MUC4: variants seen among roughly 807,000 people sequenced by gnomAD.
MUC4 encodes the protein mucin-4.
In MUC4, 202 loss-of-function variants were observed where a neutral mutation model predicts 257.9. The ratio of observed to expected loss-of-function variants is 0.78; its 90% CI spans 0.70 to 0.88. The LOEUF (loss-of-function observed/expected upper bound fraction) is 0.88. MUC4 is among the 40% of genes least tolerant of loss of function. The pLI, the probability that MUC4 is intolerant of heterozygous loss-of-function variation, is 0.00. For missense variants in MUC4, 5,976 were observed against 6,513.7 expected, an observed-to-expected ratio of 0.92 and a Z score of 2.84; for synonymous variants, 2,351 against 2,757.1, an observed-to-expected ratio of 0.85 and a Z score of 4.62.
chr3:195,767,525 CCATCGCCACCACCAT>C (rs1402571697), intron 7 of MUC4, among the ~76,000 whole-genome samples: 6 of 68,736 alleles, frequency 8.7e-5, no homozygotes, highest in African/African-American at 1.5e-4. Context: ...ATCACCACCA[CCATCGCCACCACCAT>C]CATCACCATC....
chr3:195,782,782 C>G lies in MUC4; in HGVS notation c.8798G>C (p.Ser2933Thr). ...GTCACCTGTGGATACTGAGGAAAGG[C>G]TGGTGACAGGAAGAGGGGTGGCCTG... ...TGQATPLPVT[S>T]LSSVSTGDTT... The change falls in exon 2 of 25, where the codon AGC becomes ACC. Residue 2933 changes from serine (S) to threonine (T), a missense_variant. Transcript: ENST00000463781. 6.8e-7 allele frequency: 1 copy of G among 1,473,772 alleles called. No homozygotes were observed. The allele number at this position is 1,473,772 out of a possible 1,614,324, so 91.3% of individuals were successfully genotyped here.
chr3:195,770,748 C>T (rs1486727794), intron 5 of MUC4: 1 of 432,992 alleles, frequency 2.3e-6, no homozygotes, highest in Non-Finnish European at 4.6e-6. Context: ...TCCACACTGC[C>T]CTGTCCGTGG....
intron 4 of MUC4, among the ~76,000 whole-genome samples, chr3:195,772,293 A>G (rs1433170057): frequency 6.7e-6 from 1 of 149,364 alleles, no homozygotes; most frequent in African/African-American, 2.5e-5. Context: ...CCCCATCTCC[A>G]TCACTTAGGG....
intron 1 of MUC4, among the ~76,000 whole-genome samples, chr3:195,803,772 C>T (rs1489163494): frequency 6.6e-6 from 1 of 152,210 alleles, no homozygotes; most frequent in Non-Finnish European, 1.5e-5. Flanking sequence ...AGAGCCATTG[C>T]TCGGAAGCTG....
intron 4 of MUC4, among the ~76,000 whole-genome samples, chr3:195,772,771 A>G: frequency 7.3e-6 from 1 of 137,044 alleles, no homozygotes; most frequent in African/African-American, 2.7e-5. Flanking sequence ...CCCCCTCTCC[A>G]TCGCTCAGGG....
Position 195,780,237 on chromosome 3 carries a change from G to T in MUC4, c.11343C>A (p.Asp3781Glu), listed in dbSNP as rs1156472824. 1.1e-5 allele frequency: 16 copies of T among 1,521,792 alleles called. No individual in the cohort carries two copies. Among genetic ancestry groups the T allele is most frequent in the Non-Finnish European group, 1.3e-5 (15 of 1,127,066 alleles). 94.3% of individuals were successfully genotyped at this position (1,521,792 alleles called of 1,614,324 possible). ...TGTCACCTGTGGATGCTGAGGAAGC[G>T]TCGGTGACAGGAAGAGGCGTGGCGT... is the stretch of plus-strand genomic sequence containing the variant. ...TGHATPLPVT[D>E]ASSASTGDTT... is the part of the protein sequence containing the mutation. The change falls in exon 2 of 25, where the codon GAC becomes GAA. Residue 3781 changes from aspartate to glutamate, a missense_variant. This residue lies in a region of MUC4 where 330 missense variants were observed against 262.0 expected (regional missense o/e 1.26). Transcript: ENST00000463781.
chr3:195,767,698 AAAAATACCACCATCGGCCACCACCACCAT>A (rs1721418834), intron 7 of MUC4, among the ~76,000 whole-genome samples: 3 of 39,914 alleles, frequency 7.5e-5, no homozygotes, highest in Non-Finnish European at 8.8e-5. Flanking sequence ...CCACCCCCCA[AAAAATACCACCATCGGCCACCACCACCAT>A]CACCACCACC....
intron 7 of MUC4, 151 bp from the exon 8 acceptor site, chr3:195,766,902 A>G: frequency 1.5e-6 from 1 of 681,992 alleles, no homozygotes; most frequent in East Asian, 2.7e-5. Flanking sequence ...CCCATCGTCA[A>G]GCCCCAGCAC....
rs1038498049 is a variant in MUC4 at position 195,789,036 on chromosome 3, C to T, written c.2544G>A (p.Leu848=). The part of the protein sequence containing the change: ...SHTTQSTTEL[L]SASASHGAIP... ...TGGCACCATGACTGGCTGAGGCGGA[C>T]AGCAATTCGGTTGTTGACTGGGTTG... The change falls in exon 2 of 25, where the codon CTG becomes CTA. Residue 848 remains leucine, a synonymous_variant. Coordinates refer to ENST00000463781, the MANE Select transcript of MUC4 (RefSeq NM_018406.7). The T allele has an allele frequency of 6.2e-7, 1 of 1,613,822 alleles. No individual in the cohort carries two copies. The highest frequency in any genetic ancestry group is 8.5e-7 in the Non-Finnish European group (1 of 1,179,848).
chr3:195,772,410 T>C (rs57499370), intron 4 of MUC4, among the ~76,000 whole-genome samples: 4,899 of 52,310 alleles, frequency 0.094, 383 homozygotes, highest in African/African-American at 0.2. Context: ...CACCCTCCCT[T>C]CATCGCTCAG....
At position 195,783,083 on chromosome 3, in the gene MUC4, G is replaced by C. The variant is rs1013079528; in HGVS notation, c.8497C>G (p.Leu2833Val). Residue 2833 changes from leucine to valine, a missense_variant, in exon 2 of 25, where the codon CTT (leucine) becomes GTT (valine). Physicochemically the swap from Leu to Val is conservative, Grantham distance 32. Around this residue, in one of 44 missense-constraint regions of MUC4, gnomAD observed 228 missense variants for 206.3 expected, o/e 1.11. Transcript: ENST00000463781. Reference protein sequence around the residue: ...SSVFTGHATSLPVTIPSSASS... With the variant: ...SSVFTGHATSVPVTIPSSASS... ...GCTGAGGAAGGGATGGTGACAGGAA[G>C]AGAGGTGGCATGACCTGTGAACACT... 4.1e-4 allele frequency: 250 copies of C among 615,626 alleles called. 27 individuals carry two copies. Among genetic ancestry groups the C allele is most frequent in the Middle Eastern group, 1.2e-3 (2 of 1,684 alleles). The allele number at this position is 615,626 out of a possible 1,614,324, so 38.1% of individuals were successfully genotyped here.
chr3:195,785,992 G>C lies in MUC4; in HGVS notation c.5588C>G (p.Ser1863Cys). ...GGTGGCGTGACCTGTGGACACTGAG[G>C]AAGCGTCGGTGACAGGAAGAGAGGT... Reference protein sequence around the residue: ...HTTSLPVTDASSVSTGHATSL... With the variant: ...HTTSLPVTDACSVSTGHATSL... The change falls in exon 2 of 25, where the codon TCC becomes TGC. Residue 1863 changes from serine (S) to cysteine (C), a missense_variant. This residue lies in a region of MUC4 where 31 missense variants were observed against 71.1 expected (regional missense o/e 0.44). Transcript: ENST00000463781. 1 of 1,520,358 alleles carries C rather than the reference G, an allele frequency of 6.6e-7. No homozygotes were observed. Among genetic ancestry groups the C allele is most frequent in the Non-Finnish European group, 8.9e-7 (1 of 1,129,930 alleles). 94.2% of individuals were successfully genotyped at this position (1,520,358 alleles called of 1,614,324 possible).
Position 195,788,353 on chromosome 3 carries a change from G to T in MUC4, c.3227C>A (p.Thr1076Asn), listed in dbSNP as rs1733154186. The T allele has an allele frequency of 6.5e-7, 1 of 1,544,144 alleles. No individual in the cohort carries two copies. The highest frequency in any genetic ancestry group is 1.4e-5 in the African/African-American group (1 of 69,538). ...STGHVTPLPV[T>N]SLSSASTGDT... ...ACCTGTGGATGCTGAGGAAAGGCTG[G>T]TGACAGGAAGAGGGGTGACGTGACC... The change falls in exon 2 of 25, where the codon ACC becomes AAC. Residue 1076 changes from threonine (T) to asparagine (N), a missense_variant. Thr to Asn is a moderately conservative substitution (Grantham distance 65, BLOSUM62 0). Around this residue, in one of 44 missense-constraint regions of MUC4, gnomAD observed 68 missense variants for 90.4 expected, o/e 0.75. Coordinates refer to ENST00000463781, the MANE Select transcript of MUC4 (RefSeq NM_018406.7).
rs2149037432 is a variant in MUC4, at chr3:195,789,307, G to A, written c.2273C>T (p.Ala758Val). The change falls in exon 2 of 25, where the codon GCC becomes GTC. Residue 758 changes from alanine to valine, a missense_variant. Physicochemically the swap from Ala to Val is moderately conservative, Grantham distance 64. Around this residue, in one of 44 missense-constraint regions of MUC4, gnomAD observed 1,583 missense variants for 1,257.4 expected, o/e 1.26. Transcript: ENST00000463781. ...TGTGTCAGGTGAGGTGCTGGCAGAG[G>A]CTGATGTCCATTGTCCTTCTGGGCC... ...PGGPEGQWTS[A>V]SASTSPDTAA... is the part of the protein sequence containing the mutation. 6.2e-7 allele frequency: 1 copy of A among 1,613,912 alleles called. No individual in the cohort carries two copies.
intron 7 of MUC4, among the ~76,000 whole-genome samples, chr3:195,767,713 GGCCACCACCACCATCACCA>G (rs1721443288): frequency 6.7e-4 from 1 of 1,484 alleles, no homozygotes; most frequent in Non-Finnish European, 1.7e-3. Flanking sequence ...TACCACCATC[GGCCACCACCACCATCACCA>G]CCACCATCAC....
chr3:195,775,967 A>T (rs1480870176), intron 3 of MUC4, among the ~76,000 whole-genome samples: 2 of 58,360 alleles, frequency 3.4e-5, no homozygotes, highest in Admixed American at 1.3e-4. Flanking sequence ...TTCCACACCC[A>T]TACCTTCCAC....
chr3:195,804,245 TGAACCACGTCAG>T (rs1333481614), intron 1 of MUC4, among the ~76,000 whole-genome samples: 1 of 152,204 alleles, frequency 6.6e-6, no homozygotes, highest in Non-Finnish European at 1.5e-5. Flanking sequence ...TTTCTCTCCT[TGAACCACGTCAG>T]GTGGGAGACG....
chr3:195,792,808 A>G (rs1399636383), intron 1 of MUC4, among the ~76,000 whole-genome samples: 1 of 152,262 alleles, frequency 6.6e-6, no homozygotes, highest in East Asian at 1.9e-4. Flanking sequence ...GCCATGAAAA[A>G]GGAATGGGAT....
In MUC4 at chr3:195,746,908, A is replaced by T; in HGVS notation, c.*268T>A. On this transcript the variant is annotated 3_prime_UTR_variant, in exon 25 of 25. Transcript: ENST00000463781. Reference sequence around the variant, plus strand: ...CTCGTGTGTGTGTGTGTGTGTGTGCACGCGCGCGTGCACAGGCTAGTGTCC... The same window carrying T: ...CTCGTGTGTGTGTGTGTGTGTGTGCTCGCGCGCGTGCACAGGCTAGTGTCC... The T allele has an allele frequency of 1.8e-6, 1 of 559,474 alleles. No individual in the cohort carries two copies. The highest frequency in any genetic ancestry group is 3.2e-6 in the Non-Finnish European group (1 of 315,246). 34.7% of individuals were successfully genotyped at this position (559,474 alleles called of 1,614,324 possible).
Sources: gnomAD v4.1 joint callset for allele counts (sites outside exome capture counted in the v4.1 genomes callset) on GRCh38, gnomAD v4.1.1 for gene constraint, gnomAD v4.1.1 regional missense constraint, MANE v1.5 for transcripts, NCBI Gene and HGNC (gene_info 2026-07-23, HGNC 2026-07-21) for gene names.